CTNND2: variants seen among roughly 807,000 people sequenced by gnomAD.
CTNND2 encodes the protein catenin delta 2.
A neutral mutation model predicts 144.4 loss-of-function variants in CTNND2; 22 were observed. The ratio of observed to expected loss-of-function variants is 0.15; its 90% CI spans 0.11 to 0.22. The LOEUF (loss-of-function observed/expected upper bound fraction) is 0.22. Among genes scored for constraint, CTNND2 ranks in the 10% least tolerant of loss-of-function variants. CTNND2 has a pLI of 1.00. For missense variants in CTNND2, 1,353 were observed against 1,618.8 expected (o/e 0.84, Z 2.82); for synonymous variants, 751 against 695.6 (o/e 1.08, Z -1.25).
intron 2 of CTNND2, among the ~76,000 whole-genome samples, chr5:11,628,113 A>C (rs555536038): frequency 1.1e-4 from 16 of 152,158 alleles, no homozygotes; most frequent in African/African-American, 3.6e-4. Flanking sequence ...CTTTTTAATC[A>C]AATTTGTGAT....
chr5:11,183,112 G>A (rs921765516), intron 11 of CTNND2, among the ~76,000 whole-genome samples: 1 of 152,162 alleles, frequency 6.6e-6, no homozygotes, highest in Non-Finnish European at 1.5e-5. Flanking sequence ...ACCTAGCCAT[G>A]CTCAATGTGA....
chr5:11,084,646 C>T (rs1197294748), intron 15 of CTNND2, among the ~76,000 whole-genome samples: 1 of 152,142 alleles, frequency 6.6e-6, no homozygotes, highest in Non-Finnish European at 1.5e-5. Context: ...CAAGTGCCCT[C>T]AGCCTGGTGG....
chr5:11,541,925 T>C (rs1454261685), intron 3 of CTNND2, among the ~76,000 whole-genome samples: 1 of 148,880 alleles, frequency 6.7e-6, no homozygotes, highest in Non-Finnish European at 1.5e-5. Flanking sequence ...ACAGATAATC[T>C]GTTTTCATAC....
At chr5:10,974,339 C>G (rs895685692) in intron 21 of CTNND2, among the ~76,000 whole-genome samples, 10 of 152,180 alleles carry the variant, frequency 6.6e-5, no homozygotes, top group African/African-American at 2.4e-4. Context: ...CACTGAAGGC[C>G]ATGACTTTAC....
rs1415875840 is a variant in CTNND2 at position 11,178,555 on chromosome 5, T to A, written c.1976-18796A>T. Among the ~76,000 whole-genome samples, 3 of 152,116 alleles carry A rather than the reference T, an allele frequency of 2.0e-5. No individual in the cohort carries two copies. In the East Asian group the frequency reaches 5.8e-4, roughly 29 times the overall value. On this transcript the variant is annotated intron_variant, in intron 11 of 21. Transcript: ENST00000304623. ...GGAAAACCTGTGATATGAGTCCTGG[T>A]AGGAGGAGTATGATTAACAATGCGT...
At chr5:11,149,594 C>A (rs1218887727) in intron 12 of CTNND2, among the ~76,000 whole-genome samples, 2 of 152,134 alleles carry the variant, frequency 1.3e-5, no homozygotes, top group Non-Finnish European at 2.9e-5. Context: ...TGCCAGTTTA[C>A]TGCTTGTTAA....
chr5:11,634,743 G>T (rs1404689444), intron 2 of CTNND2, among the ~76,000 whole-genome samples: 1 of 152,156 alleles, frequency 6.6e-6, no homozygotes, highest in East Asian at 1.9e-4. Context: ...GGAAGAAAAT[G>T]AGTCAATGAT....
intron 3 of CTNND2, among the ~76,000 whole-genome samples, chr5:11,447,129 C>A (rs1764890125): frequency 6.6e-6 from 1 of 152,016 alleles, no homozygotes; most frequent in African/African-American, 2.4e-5. Context: ...AGCTCAATTG[C>A]GGCCAGGAAT....
At chr5:11,007,323 A>G (rs1740584973) in intron 18 of CTNND2, among the ~76,000 whole-genome samples, 1 of 152,192 alleles carries the variant, frequency 6.6e-6, no homozygotes, top group African/African-American at 2.4e-5. Flanking sequence ...ATTTTATGCT[A>G]CATACCTTAC....
At chr5:11,101,497 T>C (rs569633500) in intron 14 of CTNND2, among the ~76,000 whole-genome samples, 5 of 152,188 alleles carry the variant, frequency 3.3e-5, no homozygotes, top group African/African-American at 4.8e-5. Context: ...AAAGTAGAAA[T>C]ACTTGATTTA....
At chr5:11,247,459 G>A (rs1240686092) in intron 9 of CTNND2, among the ~76,000 whole-genome samples, 1 of 152,164 alleles carries the variant, frequency 6.6e-6, no homozygotes, top group Non-Finnish European at 1.5e-5. Context: ...GGGACTGTGG[G>A]GACTGGGATC....
At chr5:11,128,020 T>TG (rs1754852282) in intron 12 of CTNND2, among the ~76,000 whole-genome samples, 2 of 150,802 alleles carry the variant, frequency 1.3e-5, no homozygotes, top group Admixed American at 1.3e-4. Context: ...TTACTTTATA[T>TG]GGAAAAAAGA....
At chr5:11,045,836 C>T (rs1040818485) in intron 16 of CTNND2, among the ~76,000 whole-genome samples, 3 of 152,204 alleles carry the variant, frequency 2.0e-5, no homozygotes, top group Non-Finnish European at 4.4e-5. Context: ...ACTACACTTT[C>T]CTTATCTCCT....
At chr5:11,631,615 G>A (rs1781419426) in intron 2 of CTNND2, among the ~76,000 whole-genome samples, 1 of 152,176 alleles carries the variant, frequency 6.6e-6, no homozygotes, top group Admixed American at 6.5e-5. Context: ...TCCAGGAGGG[G>A]AAAACCACCA....
At chr5:11,802,979 A>C (rs1466713135) in intron 1 of CTNND2, among the ~76,000 whole-genome samples, 1 of 152,190 alleles carries the variant, frequency 6.6e-6, no homozygotes, top group Non-Finnish European at 1.5e-5. Context: ...GAATATTCTC[A>C]AAAGTTTGTT....
Position 11,541,841 on chromosome 5 carries a change from C to G in CTNND2, c.287+23103G>C, listed in dbSNP as rs565643816. 7.6e-4 allele frequency among the ~76,000 whole-genome samples: 105 copies of G among 137,440 alleles called. 3 individuals carry two copies. In the South Asian group the frequency reaches 0.025, roughly 33 times the overall value. The allele number at this position is 137,440 out of a possible 152,430, so 90.2% of individuals were successfully genotyped here. The stretch of plus-strand genomic sequence containing the variant: ...GTCAACTTATTATTTATTATCGACC[C>G]CCCCCCCCCGGCCAAAAGCCTTTTC... On this transcript the variant is annotated intron_variant, in intron 3 of 21. Transcript: ENST00000304623.
At chr5:11,485,060 G>A (rs1355365429) in intron 3 of CTNND2, among the ~76,000 whole-genome samples, 3 of 152,102 alleles carry the variant, frequency 2.0e-5, no homozygotes, top group African/African-American at 7.2e-5. Context: ...TTCATGGCAG[G>A]TTACATAATA....
At chr5:10,992,957 T>TC (rs2149500686) in intron 18 of CTNND2, among the ~76,000 whole-genome samples, 1 of 152,220 alleles carries the variant, frequency 6.6e-6, no homozygotes, top group South Asian at 2.1e-4. Context: ...AGCTTCGACT[T>TC]CGATGAAAAT....
At chr5:11,444,303 A>G (rs1277408882) in intron 3 of CTNND2, among the ~76,000 whole-genome samples, 1 of 152,224 alleles carries the variant, frequency 6.6e-6, no homozygotes, top group African/African-American at 2.4e-5. Flanking sequence ...CATACTCCAA[A>G]AAGTGCTAAC....
Sources: gnomAD v4.1 joint callset for allele counts (sites outside exome capture counted in the v4.1 genomes callset) on GRCh38, gnomAD v4.1.1 for gene constraint, MANE v1.5 for transcripts, NCBI Gene and HGNC (gene_info 2026-07-23, HGNC 2026-07-21) for gene names.